Variants in XIRP2 observed in about 807,000 individuals in gnomAD.
XIRP2 encodes the protein xin actin binding repeat containing 2.
Under a neutral mutation model 277.0 loss-of-function variants are expected in XIRP2, and 236 were observed. The observed-to-expected ratio is 0.85, with a 90% CI of 0.77 to 0.95. The LOEUF (loss-of-function observed/expected upper bound fraction) is 0.95, where lower values mean the gene tolerates loss of function less well. XIRP2 is among the 40% of genes least tolerant of loss of function. XIRP2 has a pLI of 0.00. For missense variants in XIRP2, 4,640 were observed against 4,157.5 expected (o/e 1.12, Z -3.19); for synonymous variants, 1,490 against 1,416.5 (o/e 1.05, Z -1.17).
chr2:167,079,154 T>A (rs1689661040), intron 2 of XIRP2, among the ~76,000 whole-genome samples: 1 of 152,232 alleles, frequency 6.6e-6, no homozygotes, highest in African/African-American at 2.4e-5. Flanking sequence ...TTGTGATGAA[T>A]CACACGTATT....
intron 3 of XIRP2, among the ~76,000 whole-genome samples, chr2:167,159,610 C>T (rs1692304405): frequency 6.6e-6 from 1 of 152,020 alleles, no homozygotes; most frequent in South Asian, 2.1e-4. Context: ...CCTTTTCTGA[C>T]CATGAGACAT....
At chr2:167,211,463 T>C (rs78077658) in intron 4 of XIRP2, among the ~76,000 whole-genome samples, 21,739 of 152,214 alleles carry the variant, frequency 0.14, 1,848 homozygotes, top group African/African-American at 0.24. Flanking sequence ...TCATCATTTA[T>C]CACACAGAGT....
chr2:166,920,736 C>T (rs1022978591), intron 2 of XIRP2, among the ~76,000 whole-genome samples: 25 of 152,254 alleles, frequency 1.6e-4, no homozygotes, highest in African/African-American at 6.0e-4. Context: ...AAACACTTTA[C>T]TGACATTTTC....
At chr2:166,953,758 C>A (rs554572155) in intron 2 of XIRP2, among the ~76,000 whole-genome samples, 1 of 151,974 alleles carries the variant, frequency 6.6e-6, no homozygotes, top group East Asian at 1.9e-4. Flanking sequence ...TCCACAACAG[C>A]TTTATTCTAC....
intron 1 of XIRP2, among the ~76,000 whole-genome samples, chr2:166,892,808 G>GATATATATATATAT (rs113558500): frequency 4.2e-5 from 6 of 143,238 alleles, no homozygotes; most frequent in African/African-American, 1.5e-4. Flanking sequence ...TTTCATAGAA[G>GATATATATATATAT]ATATATATAT....
intron 3 of XIRP2, among the ~76,000 whole-genome samples, chr2:167,156,344 G>A (rs1025012277): frequency 5.3e-5 from 8 of 152,148 alleles, no homozygotes; most frequent in Admixed American, 6.6e-5. Flanking sequence ...TAGGCATGTT[G>A]TGGGCATTAC....
At chr2:166,942,558 T>G (rs982908234) in intron 2 of XIRP2, among the ~76,000 whole-genome samples, 1 of 152,212 alleles carries the variant, frequency 6.6e-6, no homozygotes, top group Admixed American at 6.5e-5. Flanking sequence ...GTTATGCTCC[T>G]TCCATAAAAA....
intron 2 of XIRP2, among the ~76,000 whole-genome samples, chr2:167,109,187 A>G (rs190020924): frequency 1.3e-5 from 2 of 152,264 alleles, no homozygotes; most frequent in East Asian, 3.9e-4. Flanking sequence ...TATGTTTAAG[A>G]TTAATCTTAA....
At chr2:167,005,799 A>G (rs1687488985) in intron 2 of XIRP2, among the ~76,000 whole-genome samples, 1 of 151,688 alleles carries the variant, frequency 6.6e-6, no homozygotes, top group Admixed American at 6.6e-5. Flanking sequence ...TAAAAAAAAA[A>G]AAATTACACA....
chr2:167,005,709 T>C (rs766001231), intron 2 of XIRP2, among the ~76,000 whole-genome samples: 1 of 151,706 alleles, frequency 6.6e-6, no homozygotes, highest in African/African-American at 2.4e-5. Context: ...TCTTAAATTA[T>C]TTGAAACAAA....
At chr2:166,935,211 C>CTATTCTA (rs1685459564) in intron 2 of XIRP2, among the ~76,000 whole-genome samples, 1 of 152,130 alleles carries the variant, frequency 6.6e-6, no homozygotes, top group African/African-American at 2.4e-5. Flanking sequence ...GTAGCAGCAA[C>CTATTCTA]TATTCTATAC....
chr2:167,246,449 A>T lies in XIRP2; in HGVS notation c.5057A>T (p.Asp1686Val). 6.2e-7 allele frequency: 1 copy of T among 1,613,772 alleles called. No homozygotes were observed. The highest frequency in any genetic ancestry group is 8.5e-7 in the Non-Finnish European group (1 of 1,179,812). ...TTAATTCAGGAAGATGAAAAAGGAG[A>T]TATTAACATGACTATCTATTGTCTT... Reference protein sequence around the residue: ...GILIQEDEKGDINMTIYCLLH... With the variant: ...GILIQEDEKGVINMTIYCLLH... The change falls in exon 9 of 11, where the codon GAT becomes GTT. Residue 1686 changes from aspartate (D) to valine (V), a missense_variant. Asp to Val is a radical substitution (Grantham distance 152). Coordinates refer to ENST00000409195, the MANE Select transcript of XIRP2 (RefSeq NM_152381.6).
At chr2:167,002,243 C>T (rs553097792) in intron 2 of XIRP2, among the ~76,000 whole-genome samples, 5 of 152,054 alleles carry the variant, frequency 3.3e-5, no homozygotes, top group Admixed American at 6.6e-5. Flanking sequence ...TGAATAACCC[C>T]AACCAGAGGG....
At position 167,154,013 on chromosome 2, in the gene XIRP2, A is replaced by C. The variant is rs1039811402; in HGVS notation, c.562+17951A>C. Among the ~76,000 whole-genome samples, 103 of 150,008 alleles carry C rather than the reference A, an allele frequency of 6.9e-4. 1 individual carries two copies. The East Asian group carries it at 0.014, about 20-fold the overall frequency. ...ACTTCCACAATGGTTGAACTAGTTT[A>C]CAGTCCCACCAACAGTGTAAAAGTG... On this transcript the variant is annotated intron_variant, in intron 3 of 10. Transcript: ENST00000409195.
intron 1 of XIRP2, among the ~76,000 whole-genome samples, chr2:166,894,725 G>A (rs770889647): frequency 1.1e-4 from 17 of 152,244 alleles, no homozygotes; most frequent in Middle Eastern, 6.8e-3. Context: ...TGTTAGAAGC[G>A]AAGGATAAAC....
At chr2:167,186,359 TAGTA>T (rs1693154109) in intron 3 of XIRP2, among the ~76,000 whole-genome samples, 1 of 152,196 alleles carries the variant, frequency 6.6e-6, no homozygotes, top group African/African-American at 2.4e-5. Context: ...CTGATTTTAT[TAGTA>T]AGTATTATAG....
Position 167,249,023 on chromosome 2 carries a change from T to C in XIRP2, c.7631T>C (p.Leu2544Ser). ...KPYMRKFKTP[L>S]MIAEEKYRQQ... ...TATATGAGAAAATTTAAGACACCTT[T>C]AATGATTGCTGAAGAAAAATATAGA... The change falls in exon 9 of 11, where the codon TTA becomes TCA. Residue 2544 changes from leucine to serine, a missense_variant. Coordinates refer to ENST00000409195, the MANE Select transcript of XIRP2 (RefSeq NM_152381.6). 6.2e-7 allele frequency: 1 copy of C among 1,611,722 alleles called. No homozygotes were observed. Among genetic ancestry groups the C allele is most frequent in the Non-Finnish European group, 8.5e-7 (1 of 1,179,318 alleles).
intron 2 of XIRP2, among the ~76,000 whole-genome samples, chr2:167,045,563 A>G (rs1688765429): frequency 6.6e-6 from 1 of 152,042 alleles, no homozygotes; most frequent in African/African-American, 2.4e-5. Context: ...CAAAAACAGT[A>G]AAAAATGGGC....
chr2:167,201,512 T>C (rs1007137153), intron 3 of XIRP2, among the ~76,000 whole-genome samples: 7 of 152,306 alleles, frequency 4.6e-5, no homozygotes, highest in African/African-American at 1.4e-4. Context: ...CAGTGGCCCC[T>C]GCTTTGCATT....
Sources: gnomAD v4.1 joint callset for allele counts (sites outside exome capture counted in the v4.1 genomes callset) on GRCh38, gnomAD v4.1.1 for gene constraint, MANE v1.5 for transcripts, NCBI Gene and HGNC (gene_info 2026-07-23, HGNC 2026-07-21) for gene names.